The following NUP98 variants were observed in gnomAD, a reference collection of about 807,000 sequenced individuals.
The protein encoded by NUP98 is nucleoporin 98 and 96 precursor, also known as nuclear pore complex protein Nup98-Nup96.
In NUP98, 26 loss-of-function variants were observed where a neutral mutation model predicts 191.9. That is an observed-to-expected ratio of 0.14 (90% CI 0.10 to 0.19). The LOEUF (loss-of-function observed/expected upper bound fraction) is 0.19, where lower values mean the gene tolerates loss of function less well. NUP98 is among the 10% of genes least tolerant of loss of function. NUP98 has a pLI of 1.00. For missense variants in NUP98, 1,941 were observed against 2,178.8 expected (o/e 0.89, Z 2.17); for synonymous variants, 808 against 778.4 (o/e 1.04, Z -0.63).
chr11:3,736,108 T>G (rs1323373818), intron 12 of NUP98, among the ~76,000 whole-genome samples: 1 of 151,608 alleles, frequency 6.6e-6, no homozygotes, highest in African/African-American at 2.4e-5. Flanking sequence ...GTTTTGTTTT[T>G]TTTTTCAGAG....
At chr11:3,734,511 A>G (rs910363068) in intron 13 of NUP98, among the ~76,000 whole-genome samples, 8 of 152,224 alleles carry the variant, frequency 5.3e-5, no homozygotes, top group African/African-American at 1.9e-4. Flanking sequence ...ATTTTACAGA[A>G]GAAACAAATT....
At chr11:3,762,788 G>T in intron 9 of NUP98, 114 bp downstream of exon 9, 2 of 1,032,982 alleles carry the variant, frequency 1.9e-6, no homozygotes, top group Non-Finnish European at 2.8e-6. Flanking sequence ...ATATTAGGCT[G>T]GTGCAATAAT....
At chr11:3,706,654 G>T (rs1326857847) in intron 20 of NUP98, 27 bp from the exon 21 acceptor site, 4 of 1,598,728 alleles carry the variant, frequency 2.5e-6, no homozygotes, top group Non-Finnish European at 3.4e-6. Flanking sequence ...GATCAGGAAA[G>T]CAGCATTAAA....
At chr11:3,791,610 C>T (rs1427362294) in intron 1 of NUP98, among the ~76,000 whole-genome samples, 2 of 149,384 alleles carry the variant, frequency 1.3e-5, no homozygotes, top group East Asian at 2.0e-4. Flanking sequence ...TTCGGGAGAC[C>T]GAGGCAGACA....
intron 1 of NUP98, among the ~76,000 whole-genome samples, chr11:3,788,252 C>A (rs552900749): frequency 6.6e-6 from 1 of 152,254 alleles, no homozygotes; most frequent in Non-Finnish European, 1.5e-5. Context: ...CTTAACATAA[C>A]CCTAATCATT....
chr11:3,764,459 C>G (rs1358702925), intron 8 of NUP98, among the ~76,000 whole-genome samples: 1 of 152,324 alleles, frequency 6.6e-6, no homozygotes, highest in Admixed American at 6.5e-5. Flanking sequence ...CCAAGATGTG[C>G]AATTGCTGGG....
chr11:3,680,916 A>G (rs2077964342), intron 30 of NUP98, among the ~76,000 whole-genome samples: 1 of 152,070 alleles, frequency 6.6e-6, no homozygotes, highest in South Asian at 2.1e-4. Context: ...GCTGGAGTGC[A>G]GTGGTGTGAT....
At chr11:3,683,776 G>C (rs554527327) in intron 29 of NUP98, among the ~76,000 whole-genome samples, 1 of 152,062 alleles carries the variant, frequency 6.6e-6, no homozygotes, top group South Asian at 2.1e-4. Flanking sequence ...AACCTCAGGT[G>C]ATCCACCCGC....
At chr11:3,789,457 C>T (rs1392296963) in intron 1 of NUP98, among the ~76,000 whole-genome samples, 1 of 151,820 alleles carries the variant, frequency 6.6e-6, no homozygotes, top group African/African-American at 2.4e-5. Flanking sequence ...TGTCTTTATT[C>T]CCAACTATCC....
intron 1 of NUP98, among the ~76,000 whole-genome samples, chr11:3,782,925 A>T (rs961836160): frequency 2.1e-4 from 32 of 152,194 alleles, no homozygotes; most frequent in African/African-American, 7.2e-4. Flanking sequence ...GATATAAAAC[A>T]TGGTAATAGT....
chr11:3,741,577 C>T (rs2080288065), intron 12 of NUP98, among the ~76,000 whole-genome samples: 1 of 151,974 alleles, frequency 6.6e-6, no homozygotes, highest in African/African-American at 2.4e-5. Context: ...GCCGAGATCG[C>T]GCCACTGCAC....
At chr11:3,779,360 G>C in intron 2 of NUP98, 103 bp from the exon 3 acceptor site, 1 of 1,003,140 alleles carries the variant, frequency 1.0e-6, no homozygotes, top group Non-Finnish European at 1.6e-6. Context: ...CTGCATTTGA[G>C]GCTGTGCATG....
chr11:3,795,507 A>C (rs2082498310), intron 1 of NUP98, among the ~76,000 whole-genome samples: 1 of 152,136 alleles, frequency 6.6e-6, no homozygotes. Flanking sequence ...AAACAGCAGG[A>C]ACTATCTTAT....
At chr11:3,676,832 C>G (rs904347286) in intron 31 of NUP98, 1 of 655,514 alleles carries the variant, frequency 1.5e-6, no homozygotes, top group Non-Finnish European at 2.8e-6. Flanking sequence ...AGTTACCTAG[C>G]CTTGGACTAG....
At chr11:3,764,994 A>G (rs963279027) in intron 8 of NUP98, among the ~76,000 whole-genome samples, 1 of 152,194 alleles carries the variant, frequency 6.6e-6, no homozygotes, top group Non-Finnish European at 1.5e-5. Flanking sequence ...CACCACTTAC[A>G]TATCTTCTCT....
chr11:3,770,625 TAC>T (rs2081497742), intron 7 of NUP98, among the ~76,000 whole-genome samples: 1 of 152,168 alleles, frequency 6.6e-6, no homozygotes, highest in African/African-American at 2.4e-5. Flanking sequence ...TGCTTTTCTC[TAC>T]AGAGGCAAAC....
chr11:3,697,485 T>G (rs2078545044), intron 25 of NUP98, among the ~76,000 whole-genome samples: 1 of 152,072 alleles, frequency 6.6e-6, no homozygotes, highest in African/African-American at 2.4e-5. Context: ...TCATATTAGA[T>G]TAAGCTGAAC....
chr11:3,793,106 G>A (rs761993473), intron 1 of NUP98, among the ~76,000 whole-genome samples: 18 of 152,030 alleles, frequency 1.2e-4, no homozygotes, highest in African/African-American at 3.4e-4. Flanking sequence ...GCACGACTCC[G>A]TCTCAAAAAA....
intron 10 of NUP98, among the ~76,000 whole-genome samples, chr11:3,757,526 T>C (rs945462551): frequency 1.3e-5 from 2 of 151,434 alleles, no homozygotes; most frequent in East Asian, 2.0e-4. Flanking sequence ...ATGCCGAGCG[T>C]GGTGGTTCAC....
Sources: gnomAD v4.1 joint callset for allele counts (sites outside exome capture counted in the v4.1 genomes callset) on GRCh38, gnomAD v4.1.1 for gene constraint, MANE v1.5 for transcripts, NCBI Gene and HGNC (gene_info 2026-07-23, HGNC 2026-07-21) for gene names.